The following WWOX variants were observed in gnomAD, a reference collection of about 807,000 sequenced individuals.
WWOX encodes WW domain containing oxidoreductase.
WWOX carries 69 observed loss-of-function variants against 46.2 expected under a neutral mutation model. That is an observed-to-expected ratio of 1.49 (90% CI 1.23 to 1.82). The LOEUF is 1.82. Among genes scored for constraint, WWOX ranks in the 40% most tolerant of loss-of-function variants. The pLI is 0.00. For missense variants in WWOX, 919 were observed against 542.6 expected (o/e 1.69, Z -6.89); for synonymous variants, 359 against 202.6 (o/e 1.77, Z -6.56).
At chr16:78,330,484 C>A (rs976804966) in intron 5 of WWOX, among the ~76,000 whole-genome samples, 2 of 152,030 alleles carry the variant, frequency 1.3e-5, no homozygotes, top group Admixed American at 6.5e-5. Flanking sequence ...ACAATCTCTG[C>A]CTCCTGGGTT....
intron 8 of WWOX, among the ~76,000 whole-genome samples, chr16:78,725,997 CCTTCTT>C (rs561206019): frequency 2.7e-5 from 4 of 150,590 alleles, no homozygotes; most frequent in South Asian, 4.3e-4. Context: ...TCCTCCTTCT[CCTTCTT>C]CTTCTCTTTG....
intron 8 of WWOX, among the ~76,000 whole-genome samples, chr16:79,088,855 C>T (rs1331263859): frequency 1.3e-5 from 2 of 152,338 alleles, no homozygotes; most frequent in Non-Finnish European, 1.5e-5. Context: ...CATTCTGACC[C>T]TCATCCTTTA....
intron 6 of WWOX, among the ~76,000 whole-genome samples, chr16:78,414,531 C>T (rs1244130375): frequency 6.6e-6 from 1 of 152,186 alleles, no homozygotes; most frequent in Non-Finnish European, 1.5e-5. Context: ...TGCGCCACTG[C>T]ACTCCAGCCT....
chr16:78,658,395 C>G (rs1005485023), intron 8 of WWOX, among the ~76,000 whole-genome samples: 1 of 152,208 alleles, frequency 6.6e-6, no homozygotes, highest in Non-Finnish European at 1.5e-5. Context: ...TTAATCCTCA[C>G]AAGAATTCTG....
intron 8 of WWOX, among the ~76,000 whole-genome samples, chr16:78,599,343 C>T (rs1217393944): frequency 6.6e-6 from 1 of 152,222 alleles, no homozygotes; most frequent in Admixed American, 6.5e-5. Context: ...TGAATCTCCA[C>T]CTTGGGCTTG....
rs1235347748 is a variant in WWOX at position 79,102,056 on chromosome 16, G to C, written c.1057-109552G>C. On this transcript the variant is annotated intron_variant, in intron 8 of 8. Transcript: ENST00000566780. ...GGTGGGGGTGGGGGGCAGGGAGTAG[G>C]GGGGAGGGGGGGAGGGGGTGTGGGG... 1.5e-4 allele frequency among the ~76,000 whole-genome samples: 19 copies of C among 127,952 alleles called. No homozygotes were observed. In the South Asian group the frequency reaches 2.6e-3, roughly 18 times the overall value. The allele number at this position is 127,952 out of a possible 152,430, so 83.9% of individuals were successfully genotyped here.
At position 78,385,955 on chromosome 16, in the gene WWOX, A is replaced by G. The variant is rs567295769; in HGVS notation, c.517-905A>G. 2.1e-3 allele frequency among the ~76,000 whole-genome samples: 322 copies of G among 152,286 alleles called. 3 individuals carry two copies. The highest frequency in any genetic ancestry group is 3.7e-3 in the East Asian group (19 of 5,170). ...GGCCCATACACAGAAGGCTAGTGGG[A>G]GGGGCAACCCGGAGATTTGTCCTTG... On this transcript the variant is annotated intron_variant, in intron 5 of 8. Coordinates refer to ENST00000566780, the MANE Select transcript of WWOX (RefSeq NM_016373.4).
intron 5 of WWOX, among the ~76,000 whole-genome samples, chr16:78,317,444 C>G (rs2080377468): frequency 6.6e-6 from 1 of 152,094 alleles, no homozygotes; most frequent in Non-Finnish European, 1.5e-5. Flanking sequence ...AGGACCGTGC[C>G]CACACAAAGA....
intron 8 of WWOX, among the ~76,000 whole-genome samples, chr16:78,593,600 G>A (rs1027961627): frequency 6.6e-6 from 1 of 152,136 alleles, no homozygotes; most frequent in Non-Finnish European, 1.5e-5. Context: ...TCCTTCCGGG[G>A]ACTTTGCTGC....
At chr16:78,180,329 G>T (rs918774953) in intron 5 of WWOX, among the ~76,000 whole-genome samples, 3 of 152,120 alleles carry the variant, frequency 2.0e-5, no homozygotes, top group African/African-American at 7.2e-5. Flanking sequence ...AGCTTAAAAG[G>T]CTGCACCTGA....
intron 8 of WWOX, among the ~76,000 whole-genome samples, chr16:79,003,752 C>T (rs2047139365): frequency 6.6e-6 from 1 of 152,180 alleles, no homozygotes; most frequent in Non-Finnish European, 1.5e-5. Flanking sequence ...AGCTACACAG[C>T]AGAAGTGGCA....
chr16:78,442,641 G>A (rs370486525), intron 8 of WWOX, among the ~76,000 whole-genome samples: 1 of 152,220 alleles, frequency 6.6e-6, no homozygotes, highest in Admixed American at 6.5e-5. Flanking sequence ...ATGGCACTGT[G>A]TCTGTCATAG....
intron 8 of WWOX, among the ~76,000 whole-genome samples, chr16:78,567,739 C>T (rs1165294573): frequency 6.6e-6 from 1 of 152,020 alleles, no homozygotes; most frequent in Non-Finnish European, 1.5e-5. Flanking sequence ...GCCTCTGTGG[C>T]TGAGTCGGGG....
At chr16:78,525,618 A>T (rs2151504729) in intron 8 of WWOX, 1 of 152,344 alleles carries the variant, frequency 6.6e-6, no homozygotes, top group Non-Finnish European at 1.5e-5. Context: ...ACAATAACAA[A>T]GAAGATGCCA....
intron 8 of WWOX, among the ~76,000 whole-genome samples, chr16:79,194,530 G>A (rs2051199751): frequency 6.6e-6 from 1 of 152,088 alleles, no homozygotes; most frequent in Non-Finnish European, 1.5e-5. Flanking sequence ...CAAGTTTCCT[G>A]GCCCATATGA....
chr16:79,162,953 C>T (rs1344401485), intron 8 of WWOX, among the ~76,000 whole-genome samples: 2 of 152,182 alleles, frequency 1.3e-5, no homozygotes, highest in African/African-American at 2.4e-5. Context: ...GAATGTTGTC[C>T]CCCAGAAAAA....
At position 78,115,428 on chromosome 16, in the gene WWOX, T is replaced by A. The variant is rs75064054; in HGVS notation, c.409+274T>A. 0.015 allele frequency among the ~76,000 whole-genome samples: 2,284 copies of A among 152,284 alleles called. 35 individuals carry two copies. Among genetic ancestry groups the A allele is most frequent in the African/African-American group, 0.036 (1,491 of 41,552 alleles). The stretch of plus-strand genomic sequence containing the variant: ...CAGGGATGAGAGACAACAGGCTCCG[T>A]CTAAGAGTTTTTGACCTGGTCTGCA... On this transcript the variant is annotated intron_variant, in intron 4 of 8. Transcript: ENST00000566780.
At chr16:78,442,898 G>T (rs1030195111) in intron 8 of WWOX, among the ~76,000 whole-genome samples, 1 of 151,994 alleles carries the variant, frequency 6.6e-6, no homozygotes, top group African/African-American at 2.4e-5. Context: ...CGAGCCGGGC[G>T]AATCACGAGG....
At chr16:78,710,480 A>ATATATATATATATATATATATT (rs1251275415) in intron 8 of WWOX, among the ~76,000 whole-genome samples, 2 of 126,892 alleles carry the variant, frequency 1.6e-5, no homozygotes, top group Non-Finnish European at 3.3e-5. Context: ...TCTCATATAT[A>ATATATATATATATATATATATT]TATATATATA....
Sources: allele counts gnomAD v4.1 joint callset (sites outside exome capture counted in the v4.1 genomes callset), GRCh38; gene constraint gnomAD v4.1.1; transcripts MANE v1.5; gene names NCBI Gene and HGNC (gene_info 2026-07-23, HGNC 2026-07-21).